LDLRAP1: variants seen among roughly 807,000 people sequenced by gnomAD.
LDLRAP1 encodes low density lipoprotein receptor adaptor protein 1, also known as low density lipoprotein receptor adapter protein 1.
LDLRAP1 carries 30 observed loss-of-function variants against 37.8 expected under a neutral mutation model. The ratio of observed to expected loss-of-function variants is 0.79; its 90% CI spans 0.59 to 1.08. The LOEUF (loss-of-function observed/expected upper bound fraction) is 1.08, where lower values mean the gene tolerates loss of function less well. Ranked by LOEUF, LDLRAP1 falls within the 50% of genes least tolerant of loss-of-function variation. The pLI is 0.00. For synonymous variants in LDLRAP1, 156 were observed against 169.8 expected, an observed-to-expected ratio of 0.92 and a Z score of 0.63; for missense variants, 375 against 401.6, an observed-to-expected ratio of 0.93 and a Z score of 0.57.
At chr1:25,575,773 A>G in the LDLRAP1 span, among the ~76,000 whole-genome samples, 106,090 of 152,046 alleles carry the variant, frequency 0.7, 38,402 homozygotes, top group Non-Finnish European at 0.81. Context: ...AGCTTTACAC[A>G]AACGACCCCA....
In LDLRAP1 at chr1:25,568,114, A is replaced by C. The variant is rs2044533042; in HGVS notation, c.*1122A>C. 6.6e-6 allele frequency: 1 copy of C among 152,438 alleles called. No homozygotes were observed. Among genetic ancestry groups the C allele is most frequent in the East Asian group, 1.9e-4 (1 of 5,168 alleles). 9.4% of individuals were successfully genotyped at this position (152,438 alleles called of 1,614,324 possible). On this transcript the variant is annotated 3_prime_UTR_variant, in exon 9 of 9. Transcript: ENST00000374338. ...TTGTTGTCCTCCCAGGAACCAAAAA[A>C]CCCCAGCTATTTTCTGACCAAAATG...
Position 25,563,811 on chromosome 1 carries a change from G to C in LDLRAP1, c.747+20G>C. 6.2e-7 allele frequency: 1 copy of C among 1,613,200 alleles called. No individual in the cohort carries two copies. Among genetic ancestry groups the C allele is most frequent in the Non-Finnish European group, 8.5e-7 (1 of 1,179,988 alleles). ...GTCTGGGTGAGTGGTTGTGTGGCCA[G>C]CAGATCGGTGATCCTCAGCCTGACC... On this transcript the variant is annotated intron_variant, in intron 7 of 8. Coordinates refer to ENST00000374338, the MANE Select transcript of LDLRAP1 (RefSeq NM_015627.3).
intron 7 of LDLRAP1, 111 bp downstream of exon 7, chr1:25,563,902 AG>A: frequency 6.9e-7 from 1 of 1,446,928 alleles, no homozygotes. Context: ...GGCCTCTGGG[AG>A]GACCAGACCC....
Position 25,562,354 on chromosome 1 carries a change from A to G in LDLRAP1, c.460-290A>G, listed in dbSNP as rs538317569. Among the ~76,000 whole-genome samples the G allele has an allele frequency of 3.3e-5, 5 of 152,350 alleles. 1 individual carries two copies. Among genetic ancestry groups the G allele is most frequent in the Admixed American group, 3.3e-4 (5 of 15,312 alleles). ...CTGGAGAAGAACAGCCTTTGCAGGC[A>G]GGGGCCCTAGAGTGAGAGTGAGAAC... On this transcript the variant is annotated intron_variant, in intron 4 of 8. Coordinates refer to ENST00000374338, the MANE Select transcript of LDLRAP1 (RefSeq NM_015627.3).
At position 25,567,435 on chromosome 1, in the gene LDLRAP1, GA is replaced by G. The variant is rs2044512933; in HGVS notation, c.*444del. 3.6e-6 allele frequency: 1 copy of G among 277,474 alleles called. No individual in the cohort carries two copies. Among genetic ancestry groups the G allele is most frequent in the South Asian group, 2.8e-5 (1 of 35,482 alleles). 17.2% of individuals were successfully genotyped at this position (277,474 alleles called of 1,614,324 possible). ...TTCCTGAAAGCTGTTGGATTTCAGTGATTTTTCCCCCCACCCCCCAGCACAG... is the reference window on the plus strand; with the variant it reads ...TTCCTGAAAGCTGTTGGATTTCAGTGTTTTTCCCCCCACCCCCCAGCACAG... On this transcript the variant is annotated 3_prime_UTR_variant, in exon 9 of 9. Transcript: ENST00000374338.
rs1398868979 is a variant in LDLRAP1, at chr1:25,544,278, C to T, written c.88+492C>T. On this transcript the variant is annotated intron_variant, in intron 1 of 8. Coordinates refer to ENST00000374338, the MANE Select transcript of LDLRAP1 (RefSeq NM_015627.3). This position sits in a 1 kb window ranked among gnomAD's most constrained non-coding sequence, Gnocchi z 4.8. ...CCGTTCTCCCGCCCCCTGCCCGACCCACCGGGCCAACTTTTGACTCCGGGT... is the reference window on the plus strand; with the variant it reads ...CCGTTCTCCCGCCCCCTGCCCGACCTACCGGGCCAACTTTTGACTCCGGGT... Among the ~76,000 whole-genome samples, 1 of 152,182 alleles carries T rather than the reference C, an allele frequency of 6.6e-6. No individual in the cohort carries two copies. Among genetic ancestry groups the T allele is most frequent in the African/African-American group, 2.4e-5 (1 of 41,468 alleles).
At chr1:25,557,108 A>G in intron 3 of LDLRAP1, 45 bp from the exon 4 acceptor site, 1 of 1,429,122 alleles carries the variant, frequency 7.0e-7, no homozygotes, top group Non-Finnish European at 9.9e-7. Flanking sequence ...ACATGTGCTC[A>G]GGCCCCTGTG....
At chr1:25,588,756 A>G in the LDLRAP1 span, among the ~76,000 whole-genome samples, 1 of 151,876 alleles carries the variant, frequency 6.6e-6, no homozygotes, top group African/African-American at 2.4e-5. Flanking sequence ...TTTCTTTTCC[A>G]AGTCTCTCGT....
chr1:25,547,345 G>T (rs1159281791), intron 1 of LDLRAP1, among the ~76,000 whole-genome samples: 1 of 151,868 alleles, frequency 6.6e-6, no homozygotes, highest in East Asian at 1.9e-4. Flanking sequence ...TAGCTGGGTG[G>T]GGTGGTGCAG....
At chr1:25,580,833 T>C in the LDLRAP1 span, among the ~76,000 whole-genome samples, 3 of 152,174 alleles carry the variant, frequency 2.0e-5, no homozygotes, top group Non-Finnish European at 4.4e-5. Flanking sequence ...TCAAGAGGTG[T>C]TGCTTTTATC....
chr1:25,547,431 C>T (rs1451927686), intron 1 of LDLRAP1, among the ~76,000 whole-genome samples: 4 of 151,550 alleles, frequency 2.6e-5, no homozygotes, highest in Non-Finnish European at 4.4e-5. Context: ...TGCAGTGAGC[C>T]GGGATCACGC....
At chr1:25,585,135 G>A in the LDLRAP1 span, among the ~76,000 whole-genome samples, 2 of 152,132 alleles carry the variant, frequency 1.3e-5, no homozygotes, top group African/African-American at 4.8e-5. Flanking sequence ...TGGCGGTGGC[G>A]ACAGTGGCAA....
chr1:25,545,418 T>A (rs975818539), intron 1 of LDLRAP1, among the ~76,000 whole-genome samples: 3 of 152,226 alleles, frequency 2.0e-5, no homozygotes, highest in African/African-American at 7.2e-5. Flanking sequence ...CTCGGTTTCC[T>A]CATCTGCAAC....
chr1:25,556,407 C>T (rs1572038059), intron 3 of LDLRAP1, among the ~76,000 whole-genome samples: 2 of 152,156 alleles, frequency 1.3e-5, no homozygotes, highest in African/African-American at 4.8e-5. Context: ...TGTGTCTCCT[C>T]CCGGGCCCAC....
At chr1:25,566,715 C>T (rs905982761) in intron 8 of LDLRAP1, 133 bp from the exon 9 acceptor site, 2 of 1,096,856 alleles carry the variant, frequency 1.8e-6, no homozygotes, top group Non-Finnish European at 2.7e-6. Context: ...GAGGTTACTC[C>T]ACCTCCCCTG....
chr1:25,556,449 G>A (rs1200699755), intron 3 of LDLRAP1, among the ~76,000 whole-genome samples: 3 of 152,134 alleles, frequency 2.0e-5, no homozygotes, highest in Non-Finnish European at 4.4e-5. Flanking sequence ...CGTCACACAC[G>A]CACCCCACCC....
chr1:25,553,824 C>T lies in LDLRAP1; in HGVS notation c.89-98C>T. 4.7e-6 allele frequency: 7 copies of T among 1,476,570 alleles called. 1 individual carries two copies. Among genetic ancestry groups the T allele is most frequent in the Non-Finnish European group, 9.2e-7 (1 of 1,084,846 alleles). The allele number at this position is 1,476,570 out of a possible 1,614,324, so 91.5% of individuals were successfully genotyped here. A position where few individuals can be genotyped will look rare whatever the true frequency, so the allele number is the denominator to read the frequency against. On this transcript the variant is annotated intron_variant, in intron 1 of 8. Transcript: ENST00000374338. ...TAGTGGTGGGGGAGACCCCCATCCC[C>T]CTTGCTGGGGTTTCCTAGGAAAGAA...
rs1274968585 is a variant in LDLRAP1 at position 25,566,961 on chromosome 1, G to T, written c.896G>T (p.Gly299Val). 4.3e-6 allele frequency: 7 copies of T among 1,613,418 alleles called. No homozygotes were observed. The highest frequency in any genetic ancestry group is 4.2e-6 in the Non-Finnish European group (5 of 1,180,026). ...PVDWDKPDSS[G>V]TEQDDLFSF Reference sequence around the variant, plus strand: ...GACTGGGACAAGCCTGACAGCAGCGGCACAGAGCAGGATGACCTCTTCAGC... The same window carrying T: ...GACTGGGACAAGCCTGACAGCAGCGTCACAGAGCAGGATGACCTCTTCAGC... Residue 299 changes from glycine (G) to valine (V), a missense_variant, in exon 9 of 9, where the codon GGC (glycine) becomes GTC (valine). Gly to Val is a moderately radical substitution (Grantham distance 109, BLOSUM62 -3). Coordinates refer to ENST00000374338, the MANE Select transcript of LDLRAP1 (RefSeq NM_015627.3).
Position 25,558,108 on chromosome 1 carries a change from C to T in LDLRAP1, c.459+841C>T, listed in dbSNP as rs911612161. Among the ~76,000 whole-genome samples, 17 of 152,212 alleles carry T rather than the reference C, an allele frequency of 1.1e-4. No individual in the cohort carries two copies. The Middle Eastern group carries it at 0.017, about 152-fold the overall frequency. ...GGGGGATTTGTCCTGAATTTGGGGG[C>T]AAGAAGTGGAGTGGGTCAACCTTTG... On this transcript the variant is annotated intron_variant, in intron 4 of 8. Coordinates refer to ENST00000374338, the MANE Select transcript of LDLRAP1 (RefSeq NM_015627.3).
Sources: allele counts gnomAD v4.1 joint callset (sites outside exome capture counted in the v4.1 genomes callset), GRCh38; gene constraint gnomAD v4.1.1; non-coding constraint Gnocchi (gnomAD v3.1); transcripts MANE v1.5; gene names NCBI Gene and HGNC (gene_info 2026-07-23, HGNC 2026-07-21).